TRIM59: variants seen among roughly 807,000 people sequenced by gnomAD.
TRIM59 encodes the protein tripartite motif containing 59, also known as tripartite motif-containing protein 59.
TRIM59 carries 14 observed loss-of-function variants against 32.2 expected under a neutral mutation model. The ratio of observed to expected loss-of-function variants is 0.43; its 90% CI spans 0.29 to 0.68. The LOEUF is 0.68. TRIM59 is among the 30% of genes least tolerant of loss of function. TRIM59 has a pLI of 0.15. For synonymous variants in TRIM59, 163 were observed against 155.1 expected (o/e 1.05, Z -0.38); for missense variants, 471 against 463.3 (o/e 1.02, Z -0.15).
intron 1 of TRIM59, 187 bp downstream of exon 1, chr3:160,449,530 G>A (rs1446831369): frequency 2.9e-5 from 36 of 1,248,920 alleles, no homozygotes; most frequent in African/African-American, 1.2e-4. Context: ...GTGGAGGGAC[G>A]GGAAAGTGGC....
intron 2 of TRIM59, among the ~76,000 whole-genome samples, chr3:160,443,587 C>G (rs1290061601): frequency 1.3e-5 from 2 of 152,074 alleles, no homozygotes; most frequent in African/African-American, 4.8e-5. Flanking sequence ...TCCAGGACAA[C>G]TGTGAAAGCC....
In TRIM59 at chr3:160,436,082, T is replaced by G. The variant is rs187944293; in HGVS notation, c.*1890A>C. 1.1e-5 allele frequency: 12 copies of G among 1,133,020 alleles called. No homozygotes were observed. Among genetic ancestry groups the G allele is most frequent in the Non-Finnish European group, 1.2e-5 (11 of 912,946 alleles). The allele number at this position is 1,133,020 out of a possible 1,614,324, so 70.2% of individuals were successfully genotyped here. ...AGCTGAGTATGTGTCTCTCCTTACC[T>G]CTACTATGCCCTTTAAATGTTCTTT... On this transcript the variant is annotated 3_prime_UTR_variant, in exon 3 of 3. Transcript: ENST00000309784.
chr3:160,436,356 G>A lies in TRIM59; in HGVS notation c.*1616C>T, dbSNP rs750091709. On this transcript the variant is annotated 3_prime_UTR_variant, in exon 3 of 3. Coordinates refer to ENST00000309784, the MANE Select transcript of TRIM59 (RefSeq NM_173084.3). The stretch of plus-strand genomic sequence containing the variant: ...TCGGTGATCCAAGAGCAGCCCCTTT[G>A]GGATTTCTGGAAAGCAAATCAACCT... 3.8e-5 allele frequency: 37 copies of A among 985,906 alleles called. No homozygotes were observed. The highest frequency in any genetic ancestry group is 4.5e-5 in the Non-Finnish European group (37 of 830,110). 61.1% of individuals were successfully genotyped at this position (985,906 alleles called of 1,614,324 possible). A position where few individuals can be genotyped will look rare whatever the true frequency, so the allele number is the denominator to read the frequency against.
chr3:160,435,730 T>G lies in TRIM59; in HGVS notation c.*2242A>C. The G allele has an allele frequency of 3.2e-6, 1 of 312,458 alleles. No homozygotes were observed. The highest frequency in any genetic ancestry group is 6.3e-6 in the Non-Finnish European group (1 of 157,762). The allele number at this position is 312,458 out of a possible 1,614,324, so 19.4% of individuals were successfully genotyped here. A position where few individuals can be genotyped will look rare whatever the true frequency, so the allele number is the denominator to read the frequency against. The stretch of plus-strand genomic sequence containing the variant: ...ATACAAAATGTCAAATCTAAAATGA[T>G]ATATATACTTACGTTTTTAGCATTC... On this transcript the variant is annotated 3_prime_UTR_variant, in exon 3 of 3. Transcript: ENST00000309784.
intron 2 of TRIM59, among the ~76,000 whole-genome samples, chr3:160,444,078 G>T (rs1386088928): frequency 6.6e-6 from 1 of 152,156 alleles, no homozygotes; most frequent in East Asian, 1.9e-4. Flanking sequence ...AGCTGTCACT[G>T]TAACAGTCAT....
At chr3:160,446,317 C>T (rs967889087) in intron 2 of TRIM59, among the ~76,000 whole-genome samples, 2 of 152,014 alleles carry the variant, frequency 1.3e-5, no homozygotes, top group Middle Eastern at 3.4e-3. Flanking sequence ...GATTCCAAAA[C>T]CTGAGACAAT....
intron 2 of TRIM59, 141 bp downstream of exon 2, chr3:160,448,585 C>T (rs1227843889): frequency 1.5e-5 from 6 of 406,432 alleles, no homozygotes; most frequent in South Asian, 1.3e-4. Flanking sequence ...TCCGCTCCTT[C>T]GATAAAATGG....
At position 160,448,808 on chromosome 3, in the gene TRIM59, T is replaced by C; in HGVS notation, c.-73-13A>G. ...TTTTATTCTTATTCTAAAATTAAAA[T>C]AATGTTATCTTTAATGTTTTCAATT... On this transcript the variant is annotated splice_polypyrimidine_tract_variant and intron_variant, in intron 1 of 2. Transcript: ENST00000309784. 1.7e-6 allele frequency: 2 copies of C among 1,196,622 alleles called. No homozygotes were observed. Among genetic ancestry groups the C allele is most frequent in the Non-Finnish European group, 2.2e-6 (2 of 920,554 alleles). 74.1% of individuals were successfully genotyped at this position (1,196,622 alleles called of 1,614,324 possible).
At chr3:160,444,452 A>G (rs1719415658) in intron 2 of TRIM59, among the ~76,000 whole-genome samples, 3 of 152,248 alleles carry the variant, frequency 2.0e-5, no homozygotes, top group Admixed American at 2.0e-4. Context: ...AAACTAAACC[A>G]AAGGTCTCAG....
At chr3:160,444,231 C>A (rs550833666) in intron 2 of TRIM59, among the ~76,000 whole-genome samples, 31 of 151,758 alleles carry the variant, frequency 2.0e-4, no homozygotes, top group African/African-American at 7.5e-4. Context: ...AAATAACCCA[C>A]AAAAAATAAA....
intron 2 of TRIM59, among the ~76,000 whole-genome samples, chr3:160,446,213 TCTC>T (rs1336719289): frequency 2.0e-5 from 3 of 152,248 alleles, no homozygotes; most frequent in African/African-American, 7.2e-5. Context: ...ACTCTTGAAA[TCTC>T]CTCTCCCTTG....
intron 1 of TRIM59, 125 bp downstream of exon 1, chr3:160,449,592 C>G: frequency 7.8e-7 from 1 of 1,289,438 alleles, no homozygotes; most frequent in Non-Finnish European, 1.0e-6. Flanking sequence ...TCCCAAGCCA[C>G]TCCCTCCATC....
intron 2 of TRIM59, among the ~76,000 whole-genome samples, chr3:160,443,977 A>G (rs1205606685): frequency 6.6e-6 from 1 of 152,174 alleles, no homozygotes; most frequent in Non-Finnish European, 1.5e-5. Flanking sequence ...CTTCATGTAT[A>G]TGAAACATAT....
intron 1 of TRIM59, chr3:160,449,062 CAATGGTG>C (rs767784302): frequency 3.9e-5 from 9 of 232,218 alleles, no homozygotes; most frequent in Non-Finnish European, 6.9e-5. Flanking sequence ...TATTACCCAA[CAATGGTG>C]ATGGCAGAAA....
At chr3:160,443,645 C>T (rs1719371040) in intron 2 of TRIM59, among the ~76,000 whole-genome samples, 1 of 147,288 alleles carries the variant, frequency 6.8e-6, no homozygotes, top group African/African-American at 2.5e-5. Context: ...AAAGACAGAT[C>T]TTTTTTTTTT....
Position 160,449,425 on chromosome 3 carries a change from C to A in TRIM59, c.-74+292G>T. The A allele has an allele frequency of 2.1e-5, 23 of 1,120,874 alleles. No homozygotes were observed. The South Asian group carries it at 4.1e-4, about 20-fold the overall frequency. 69.4% of individuals were successfully genotyped at this position (1,120,874 alleles called of 1,614,324 possible). A position where few individuals can be genotyped will look rare whatever the true frequency, so the allele number is the denominator to read the frequency against. ...GCCTCCACCTCGGCACCCGCCCGTC[C>A]CCAACCCCGCGGGACTGACCGACTC... is the stretch of plus-strand genomic sequence containing the variant. On this transcript the variant is annotated intron_variant, in intron 1 of 2. Transcript: ENST00000309784.
chr3:160,441,400 G>GT (rs1168307339), intron 2 of TRIM59, among the ~76,000 whole-genome samples: 4 of 151,752 alleles, frequency 2.6e-5, no homozygotes, highest in Non-Finnish European at 5.9e-5. Context: ...TTTGTTTTTT[G>GT]TTTTTTTAAT....
chr3:160,436,014 CTAGTATTTTAAGTAATCAGTGCAACT>C lies in TRIM59; in HGVS notation c.*1932_*1957del. 8.1e-7 allele frequency: 1 copy of C among 1,228,672 alleles called. No individual in the cohort carries two copies. Among genetic ancestry groups the C allele is most frequent in the South Asian group, 1.4e-5 (1 of 69,276 alleles). 76.1% of individuals were successfully genotyped at this position (1,228,672 alleles called of 1,614,324 possible). On this transcript the variant is annotated 3_prime_UTR_variant, in exon 3 of 3. Transcript: ENST00000309784. ...ACTACAGGGCACTTTTATGGTGTGA[CTAGTATTTTAAGTAATCAGTGCAACT>C]TAGTATTTTTATCTCTAGCTGAGTA...
At chr3:160,445,441 A>G (rs1028216370) in intron 2 of TRIM59, among the ~76,000 whole-genome samples, 5 of 152,008 alleles carry the variant, frequency 3.3e-5, no homozygotes, top group African/African-American at 9.7e-5. Flanking sequence ...AAAAAAGAAT[A>G]AAGATAAATG....
Sources: allele counts gnomAD v4.1 joint callset (sites outside exome capture counted in the v4.1 genomes callset), GRCh38; gene constraint gnomAD v4.1.1; transcripts MANE v1.5; gene names NCBI Gene and HGNC (gene_info 2026-07-23, HGNC 2026-07-21).